Variants in BRCC3 observed in about 807,000 individuals in gnomAD.
BRCC3 encodes the protein lys-63-specific deubiquitinase BRCC36.
In BRCC3, 15 loss-of-function variants were observed where a neutral mutation model predicts 28.0. That is an observed-to-expected ratio of 0.54 (90% confidence interval 0.36 to 0.82). BRCC3 has a LOEUF of 0.82. Among genes scored for constraint, BRCC3 ranks in the 40% least tolerant of loss-of-function variants. BRCC3 has a pLI of 0.01. For synonymous variants in BRCC3, 66 were observed against 80.3 expected (o/e 0.82, Z 0.95); for missense variants, 109 against 225.9 (o/e 0.48, Z 3.32).
rs2074004465 is a variant in BRCC3, at chrX:155,073,445, A to G, written c.195+14A>G. ...GTTGCTGAAAAGGTATGTGTGCTAA[A>G]ATTTTGCATGATGGAAACTTGCAGT... is the stretch of plus-strand genomic sequence containing the variant. On this transcript the variant is annotated intron_variant, in intron 3 of 10. Transcript: ENST00000330045. 2 of 1,164,175 alleles carry G rather than the reference A, an allele frequency of 1.7e-6. No homozygotes were observed. Among genetic ancestry groups the G allele is most frequent in the Non-Finnish European group, 2.3e-6 (2 of 871,965 alleles).
intron 3 of BRCC3, among the ~76,000 whole-genome samples, chrX:155,075,651 G>T (rs2074034226): frequency 8.9e-6 from 1 of 112,138 alleles, no homozygotes; most frequent in Non-Finnish European, 1.9e-5. Flanking sequence ...ACCAAATCTT[G>T]TAGATTCATT....
rs974107546 is a variant in BRCC3 at position 155,077,065 on chromosome X, T to G, written c.196-105T>G. On this transcript the variant is annotated intron_variant, in intron 3 of 10. Transcript: ENST00000330045. Reference sequence around the variant, plus strand: ...TGAGAAAAGTGTCAGTTTTCTAAAATGGAATATTTTATCTGATATTATAAT... The same window carrying G: ...TGAGAAAAGTGTCAGTTTTCTAAAAGGGAATATTTTATCTGATATTATAAT... 12 of 738,379 alleles carry G rather than the reference T, an allele frequency of 1.6e-5. No homozygotes were observed. In the African/African-American group the frequency reaches 2.6e-4, roughly 16 times the overall value. 60.9% of individuals were successfully genotyped at this position (738,379 alleles called of 1,213,427 possible).
intron 7 of BRCC3, among the ~76,000 whole-genome samples, chrX:155,096,463 G>A (rs1226377418): frequency 2.7e-5 from 3 of 111,853 alleles, no homozygotes; most frequent in Admixed American, 1.9e-4. Context: ...TTTAATGGAC[G>A]TTTTTCCAAG....
intron 6 of BRCC3, 22 bp downstream of exon 6, chrX:155,089,373 G>C: frequency 2.1e-6 from 2 of 949,765 alleles, no homozygotes; most frequent in Non-Finnish European, 2.9e-6. Context: ...GCATGTGTGT[G>C]TGTGTGTGTG....
At chrX:155,095,115 A>G (rs1234848227) in intron 7 of BRCC3, among the ~76,000 whole-genome samples, 3 of 111,648 alleles carry the variant, frequency 2.7e-5, no homozygotes, top group African/African-American at 3.3e-5. Context: ...CAGTGCTCCA[A>G]TGGTCATTTT....
chrX:155,076,604 T>G (rs1296697578), intron 3 of BRCC3, among the ~76,000 whole-genome samples: 6 of 110,364 alleles, frequency 5.4e-5, no homozygotes, highest in Non-Finnish European at 9.5e-5. Context: ...CCATCAGATC[T>G]CCTGAGAACT....
At position 155,075,312 on chromosome X, in the gene BRCC3, C is replaced by CTCTCAT. The variant is rs2074028359; in HGVS notation, c.196-1858_196-1857insTCTCAT. On this transcript the variant is annotated intron_variant, in intron 3 of 10. Transcript: ENST00000330045. ...CTTTCCCCTGGCCCTTCTTGTTCTT[C>CTCTCAT]CCCACACTAAATGTGGCCACTCCCC... 1.3e-4 allele frequency among the ~76,000 whole-genome samples: 7 copies of CTCTCAT among 52,851 alleles called. No homozygotes were observed. In the African/African-American group the frequency reaches 2.8e-3, roughly 21 times the overall value. The allele number at this position is 52,851 out of a possible 115,157, so 45.9% of individuals were successfully genotyped here. A position where few individuals can be genotyped will look rare whatever the true frequency, so the allele number is the denominator to read the frequency against.
chrX:155,074,304 TC>T (rs1203000108), intron 3 of BRCC3, among the ~76,000 whole-genome samples: 1 of 112,212 alleles, frequency 8.9e-6, no homozygotes, highest in Non-Finnish European at 1.9e-5. Context: ...CTTATATCCT[TC>T]CTTTAATAGC....
chrX:155,116,362 C>T (rs1288049986), intron 8 of BRCC3, among the ~76,000 whole-genome samples, 174 bp downstream of exon 8: 1 of 111,777 alleles, frequency 8.9e-6, no homozygotes, highest in African/African-American at 3.3e-5. Flanking sequence ...ATAATTTCTT[C>T]AACATTTGTT....
At chrX:155,080,992 C>A (rs1557294121) in intron 5 of BRCC3, among the ~76,000 whole-genome samples, 1 of 111,531 alleles carries the variant, frequency 9.0e-6, no homozygotes, top group African/African-American at 3.3e-5. Context: ...AAAGGATTAA[C>A]AATGAGGACA....
In BRCC3 at chrX:155,100,897, A is replaced by AT. The variant is rs1163033196; in HGVS notation, c.548+10072dup. ...ATTCCTTACACAATACAGTATAATA[A>AT]TTTTTTTTTTTTTTGAGACAGGGTC... On this transcript the variant is annotated intron_variant, in intron 7 of 10. Transcript: ENST00000330045. 5.6e-3 allele frequency among the ~76,000 whole-genome samples: 584 copies of AT among 103,546 alleles called. 5 individuals are homozygous for AT. The highest frequency in any genetic ancestry group is 0.024 in the Admixed American group (230 of 9,577). The allele number at this position is 103,546 out of a possible 115,157, so 89.9% of individuals were successfully genotyped here.
At chrX:155,075,131 T>A (rs2074021086) in intron 3 of BRCC3, among the ~76,000 whole-genome samples, 3 of 112,503 alleles carry the variant, frequency 2.7e-5, no homozygotes, top group Non-Finnish European at 3.8e-5. Flanking sequence ...ATTCCTTTTT[T>A]CTCTTTTGTG....
At position 155,071,668 on chromosome X, in the gene BRCC3, C is replaced by T. The variant is rs2073983166; in HGVS notation, c.123+18C>T. On this transcript the variant is annotated intron_variant, in intron 1 of 10. Coordinates refer to ENST00000330045, the MANE Select transcript of BRCC3 (RefSeq NM_001018055.3). ...TAGGGGAGGTGAGTAGGTCTGTTAG[C>T]CTGGATGGAACCCTGCTGAGCAGTC... is the stretch of plus-strand genomic sequence containing the variant. 8.3e-7 allele frequency: 1 copy of T among 1,200,050 alleles called. No homozygotes were observed. The highest frequency in any genetic ancestry group is 1.7e-5 in the African/African-American group (1 of 57,592).
chrX:155,081,068 C>T (rs781920912), intron 5 of BRCC3, among the ~76,000 whole-genome samples: 11 of 111,808 alleles, frequency 9.8e-5, no homozygotes, highest in Non-Finnish European at 1.5e-4. Flanking sequence ...TAGTGGCTCA[C>T]GCCTGTAATC....
At chrX:155,109,267 ATTC>A (rs1175580216) in intron 7 of BRCC3, among the ~76,000 whole-genome samples, 1 of 111,514 alleles carries the variant, frequency 9.0e-6, no homozygotes, top group East Asian at 2.8e-4. Flanking sequence ...CTTTGTTGTT[ATTC>A]TTCAAGACTG....
intron 9 of BRCC3, 45 bp downstream of exon 9, chrX:155,116,799 C>T (rs2074359613): frequency 1.1e-6 from 1 of 948,174 alleles, no homozygotes; most frequent in Admixed American, 2.6e-5. Flanking sequence ...CTGACTATTT[C>T]CCTGAAACAC....
intron 7 of BRCC3, among the ~76,000 whole-genome samples, chrX:155,093,412 G>A (rs143528027): frequency 7.5e-4 from 82 of 109,535 alleles, no homozygotes; most frequent in African/African-American, 2.5e-3. Flanking sequence ...CTCTAAGATG[G>A]CATCAGAAGT....
intron 7 of BRCC3, among the ~76,000 whole-genome samples, chrX:155,092,109 TATG>T (rs1569560508): frequency 8.9e-6 from 1 of 111,862 alleles, no homozygotes; most frequent in East Asian, 2.8e-4. Flanking sequence ...ATAATATACT[TATG>T]ATGTTCTTTC....
At chrX:155,086,503 A>G (rs949649834) in intron 5 of BRCC3, among the ~76,000 whole-genome samples, 13 of 108,351 alleles carry the variant, frequency 1.2e-4, no homozygotes, top group Non-Finnish European at 2.3e-4. Context: ...GGCACGCGCC[A>G]CCACGCCTGG....
Sources: allele counts gnomAD v4.1 joint callset (sites outside exome capture counted in the v4.1 genomes callset), GRCh38; gene constraint gnomAD v4.1.1; transcripts MANE v1.5; gene names NCBI Gene and HGNC (gene_info 2026-07-23, HGNC 2026-07-21).